IREB2: variants seen among roughly 807,000 people sequenced by gnomAD.
IREB2 encodes the protein iron-responsive element-binding protein 2.
Under a neutral mutation model 118.8 loss-of-function variants are expected in IREB2, and 39 were observed. That is an observed-to-expected ratio of 0.33 (90% CI 0.25 to 0.43). The LOEUF (loss-of-function observed/expected upper bound fraction) is 0.43. Ranked by LOEUF, IREB2 falls within the 20% of genes least tolerant of loss-of-function variation. The probability of loss-of-function intolerance (pLI) is 1.00; values close to 1 mark genes in which losing one functional copy is unlikely to be tolerated. For synonymous variants in IREB2, 372 were observed against 392.2 expected (o/e 0.95, Z 0.61); for missense variants, 900 against 1,147.3 (o/e 0.78, Z 3.11).
Position 78,488,242 on chromosome 15 carries a change from T to C in IREB2, c.1857T>C (p.Asp619=). ...GNKNFEGRLC[D]CVRANYLASP... ...AAAATTTTGAAGGTCGTCTTTGTGA[T>C]TGTGTTCGTGCCAATTATCTTGCCT... is the stretch of plus-strand genomic sequence containing the variant. Residue 619 remains aspartate (D), a synonymous_variant, in exon 15 of 22, where the codon GAT becomes GAC. Coordinates refer to ENST00000258886, the MANE Select transcript of IREB2 (RefSeq NM_004136.4). The C allele has an allele frequency of 3.1e-6, 5 of 1,613,018 alleles. No individual in the cohort carries two copies. The highest frequency in any genetic ancestry group is 4.2e-6 in the Non-Finnish European group (5 of 1,179,732).
chr15:78,475,713 G>A (rs1284390695), intron 8 of IREB2: 1 of 152,392 alleles, frequency 6.6e-6, no homozygotes, highest in African/African-American at 2.4e-5. Context: ...TTAGCTGGGT[G>A]CGGTGGCACA....
intron 6 of IREB2, among the ~76,000 whole-genome samples, chr15:78,471,226 C>T (rs943951228): frequency 6.6e-6 from 1 of 152,144 alleles, no homozygotes; most frequent in African/African-American, 2.4e-5. Flanking sequence ...CCAGGCTGGT[C>T]TCGAGCTCTT....
At chr15:78,469,611 T>C (rs187636567) in intron 5 of IREB2, among the ~76,000 whole-genome samples, 10 of 152,084 alleles carry the variant, frequency 6.6e-5, no homozygotes, top group Admixed American at 5.9e-4. Flanking sequence ...TAATCCCAGC[T>C]ACTCAGGGGG....
At chr15:78,488,507 G>A in intron 15 of IREB2, 140 bp from the exon 16 acceptor site, 1 of 960,898 alleles carries the variant, frequency 1.0e-6, no homozygotes, top group African/African-American at 1.7e-5. Flanking sequence ...AAATGTACAG[G>A]TAATTAGTTC....
intron 8 of IREB2, chr15:78,475,794 G>A: frequency 6.5e-6 from 1 of 153,974 alleles, no homozygotes. Flanking sequence ...GGAAGCTGCA[G>A]TGAGCTGTGA....
chr15:78,484,964 A>G (rs939373964), intron 12 of IREB2, 44 bp downstream of exon 12: 8 of 1,568,716 alleles, frequency 5.1e-6, no homozygotes, highest in African/African-American at 4.1e-5. Context: ...TTCCTTAATT[A>G]TTGTTGGCTT....
At chr15:78,489,204 A>G in intron 16 of IREB2, among the ~76,000 whole-genome samples, 1 of 151,238 alleles carries the variant, frequency 6.6e-6, no homozygotes, top group South Asian at 2.1e-4. Context: ...CCTGGGCAAC[A>G]AGAGTGCAAC....
rs566179817 is a variant in IREB2 at position 78,467,858 on chromosome 15, T to TTTTTG, written c.629+1385_629+1389dup. Among the ~76,000 whole-genome samples, 738 of 152,232 alleles carry TTTTTG rather than the reference T, an allele frequency of 4.8e-3. 8 individuals carry two copies. Among genetic ancestry groups the TTTTTG allele is most frequent in the African/African-American group, 0.016 (680 of 41,536 alleles). On this transcript the variant is annotated intron_variant, in intron 5 of 21. Transcript: ENST00000258886. ...TGCCTTGACCTTCAAAAGTTGGTTT[T>TTTTTG]TTTTGTTTTGTTTTGTTTTGAGACA...
intron 2 of IREB2, among the ~76,000 whole-genome samples, chr15:78,455,574 AAAAAAG>A (rs141502139): frequency 0.5 from 74,554 of 149,610 alleles, 19,759 homozygotes; most frequent in Non-Finnish European, 0.61. Context: ...CTATTGAAAA[AAAAAAG>A]AAAAAAAGAA....
In IREB2 at chr15:78,494,120, TTG is replaced by T. The variant is rs753880710; in HGVS notation, c.2473-18_2473-17del. The T allele has an allele frequency of 1.9e-6, 3 of 1,612,774 alleles. No homozygotes were observed. Among genetic ancestry groups the T allele is most frequent in the Non-Finnish European group, 2.5e-6 (3 of 1,179,586 alleles). ...GGATCAAAATTTGTATTAAAAAATT[TTG>T]TGTTTGTTTTAATCTACAGCTAGAT... On this transcript the variant is annotated intron_variant, in intron 19 of 21. Coordinates refer to ENST00000258886, the MANE Select transcript of IREB2 (RefSeq NM_004136.4).
intron 11 of IREB2, 40 bp from the exon 12 acceptor site, chr15:78,484,721 C>G (rs199736899): frequency 3.9e-5 from 56 of 1,453,290 alleles, no homozygotes; most frequent in Non-Finnish European, 4.6e-5. Flanking sequence ...CTGTACATAC[C>G]CAGAATATTT....
At chr15:78,437,970 A>G (rs2050777707), upstream of IREB2, among the ~76,000 whole-genome samples, 1 of 152,236 alleles carries the variant, frequency 6.6e-6, no homozygotes, top group South Asian at 2.1e-4. Context: ...AGAAAACTTA[A>G]GGCCGCAACT....
At chr15:78,457,548 A>G (rs2051126283) in intron 2 of IREB2, among the ~76,000 whole-genome samples, 1 of 152,264 alleles carries the variant, frequency 6.6e-6, no homozygotes, top group African/African-American at 2.4e-5. Flanking sequence ...GCATTTTTCC[A>G]TTGTCTGCTA....
intron 20 of IREB2, among the ~76,000 whole-genome samples, chr15:78,496,582 T>C (rs1369375045): frequency 3.3e-5 from 5 of 152,102 alleles, no homozygotes; most frequent in Admixed American, 3.3e-4. Flanking sequence ...CTTGTTACTT[T>C]TTATTGTATT....
chr15:78,481,451 G>T (rs891894346), intron 10 of IREB2, among the ~76,000 whole-genome samples: 1 of 151,624 alleles, frequency 6.6e-6, no homozygotes, highest in Non-Finnish European at 1.5e-5. Context: ...TGCCTCCCAG[G>T]TTCATGCCAT....
At chr15:78,465,030 A>T (rs1207399855) in intron 3 of IREB2, among the ~76,000 whole-genome samples, 1 of 152,204 alleles carries the variant, frequency 6.6e-6, no homozygotes, top group African/African-American at 2.4e-5. Context: ...ATTATCTCTT[A>T]TTATTTTTGG....
intron 2 of IREB2, among the ~76,000 whole-genome samples, chr15:78,448,465 A>G (rs964927193): frequency 4.4e-4 from 67 of 152,174 alleles, no homozygotes. Flanking sequence ...ATATTTTAAA[A>G]GAGAGAAAAA....
intron 3 of IREB2, among the ~76,000 whole-genome samples, chr15:78,464,642 G>T (rs890981624): frequency 2.0e-5 from 3 of 152,158 alleles, no homozygotes; most frequent in Admixed American, 6.5e-5. Flanking sequence ...GGAGTGTAGT[G>T]ATGTGATCAT....
intron 2 of IREB2, among the ~76,000 whole-genome samples, chr15:78,453,298 G>C (rs1393318224): frequency 6.6e-6 from 1 of 152,136 alleles, no homozygotes; most frequent in Admixed American, 6.5e-5. Context: ...GTAATTATTA[G>C]CTCTTTTGAA....
Sources: allele counts gnomAD v4.1 joint callset (sites outside exome capture counted in the v4.1 genomes callset), GRCh38; gene constraint gnomAD v4.1.1; transcripts MANE v1.5; gene names NCBI Gene and HGNC (gene_info 2026-07-23, HGNC 2026-07-21).